The following MUC4 variants were observed in gnomAD, a reference collection of about 807,000 sequenced individuals.
MUC4 encodes mucin-4.
MUC4 carries 202 observed loss-of-function variants against 257.9 expected under a neutral mutation model. The observed-to-expected ratio is 0.78, with a 90% CI of 0.70 to 0.88. The LOEUF (loss-of-function observed/expected upper bound fraction) is 0.88. MUC4 is among the 40% of genes least tolerant of loss of function. The probability of loss-of-function intolerance (pLI) is 0.00; values close to 1 mark genes in which losing one functional copy is unlikely to be tolerated. For missense variants in MUC4, 5,976 were observed against 6,513.7 expected, an observed-to-expected ratio of 0.92 and a Z score of 2.84; for synonymous variants, 2,351 against 2,757.1, an observed-to-expected ratio of 0.85 and a Z score of 4.62.
chr3:195,762,849 A>C lies in MUC4; in HGVS notation c.14344+6T>G. ...GGGAGGGGGCGGCCGGCGCTCCCCAACCTACCTCCGCCGTCTTCATGGTCA... is the reference window on the plus strand; with the variant it reads ...GGGAGGGGGCGGCCGGCGCTCCCCACCCTACCTCCGCCGTCTTCATGGTCA... On this transcript the variant is annotated splice_donor_region_variant and intron_variant, in intron 13 of 24. Transcript: ENST00000463781. 6.4e-7 allele frequency: 1 copy of C among 1,551,092 alleles called. No individual in the cohort carries two copies. The highest frequency in any genetic ancestry group is 8.7e-7 in the Non-Finnish European group (1 of 1,149,554).
intron 1 of MUC4, among the ~76,000 whole-genome samples, chr3:195,808,019 C>T (rs1360442699): frequency 6.6e-6 from 1 of 152,134 alleles, no homozygotes; most frequent in East Asian, 1.9e-4. Context: ...CCATGGCCCT[C>T]GGGGTCCGTT....
At chr3:195,800,483 G>T (rs879411382) in intron 1 of MUC4, among the ~76,000 whole-genome samples, 1 of 152,090 alleles carries the variant, frequency 6.6e-6, no homozygotes, top group Non-Finnish European at 1.5e-5. Flanking sequence ...CAATCTGTTG[G>T]GCTTGTGAGG....
At chr3:195,753,401 AC>A in intron 19 of MUC4, 171 bp from the exon 20 acceptor site, 1 of 624,550 alleles carries the variant, frequency 1.6e-6, no homozygotes, top group Non-Finnish European at 2.7e-6. Context: ...CTGCAGGGCA[AC>A]CCCTTTCCCC....
rs1416933668 is a variant in MUC4 at position 195,788,981 on chromosome 3, T to A, written c.2599A>T (p.Ile867Phe). ...IPVSTGMASS[I>F]VPGTFHPTLS... The stretch of plus-strand genomic sequence containing the variant: ...GTGGGATGAAAGGTGCCGGGGACGA[T>A]CGAAGACGCCATTCCTGTGCTTACT... The change falls in exon 2 of 25, where the codon ATC (isoleucine) becomes TTC (phenylalanine). Residue 867 changes from isoleucine (I) to phenylalanine (F), a missense_variant. Ile to Phe is a conservative substitution (Grantham distance 21). This residue lies in a region of MUC4 where 1,583 missense variants were observed against 1,257.4 expected (regional missense o/e 1.26). Transcript: ENST00000463781. 4 of 1,613,780 alleles carry A rather than the reference T, an allele frequency of 2.5e-6. No individual in the cohort carries two copies. The highest frequency in any genetic ancestry group is 3.4e-6 in the Non-Finnish European group (4 of 1,179,814).
In MUC4 at chr3:195,748,993, G is replaced by T. The variant is rs145224058; in HGVS notation, c.15943C>A (p.Gln5315Lys). 6.2e-7 allele frequency: 1 copy of T among 1,609,756 alleles called. No individual in the cohort carries two copies. The highest frequency in any genetic ancestry group is 1.3e-5 in the African/African-American group (1 of 74,818). ...YKGYDLVYSPQSGFTCVSPCS... is the reference protein window; with the variant it reads ...YKGYDLVYSPKSGFTCVSPCS... ...GGGGACACGCAGGTGAAGCCGCTCT[G>T]GGGGCTGTAGACCAGGTCGTAGCCC... Residue 5315 changes from glutamine (Q) to lysine (K), a missense_variant, in exon 24 of 25, where the codon CAG (glutamine) becomes AAG (lysine). By Grantham distance (53) the Gln-to-Lys change is moderately conservative. This residue lies in a region of MUC4 where 310 missense variants were observed against 242.1 expected (regional missense o/e 1.28). Transcript: ENST00000463781.
chr3:195,811,287 C>T (rs1394514107), intron 1 of MUC4, among the ~76,000 whole-genome samples: 2 of 152,038 alleles, frequency 1.3e-5, no homozygotes, highest in African/African-American at 4.8e-5. Flanking sequence ...GATTCTCCTG[C>T]CTCAGACTCC....
rs764598126 is a variant in MUC4, at chr3:195,780,381, G to A, written c.11199C>T (p.Ser3733=). Reference sequence around the variant, plus strand: ...CGTGACCTGTGGATGCTGAGGAAGGGCTGGTGACATGAAGAGGGGTGACGT... The same window carrying A: ...CGTGACCTGTGGATGCTGAGGAAGGACTGGTGACATGAAGAGGGGTGACGT... ...TGHVTPLHVT[S]PSSASTGHVT... is the part of the protein sequence containing the mutation. Residue 3733 remains serine (S), a synonymous_variant, in exon 2 of 25, where the codon AGC becomes AGT. Coordinates refer to ENST00000463781, the MANE Select transcript of MUC4 (RefSeq NM_018406.7). 18 of 1,419,872 alleles carry A rather than the reference G, an allele frequency of 1.3e-5. 1 individual carries two copies. The African/African-American group carries it at 3.3e-4, about 26-fold the overall frequency. 88.0% of individuals were successfully genotyped at this position (1,419,872 alleles called of 1,614,324 possible). A position where few individuals can be genotyped will look rare whatever the true frequency, so the allele number is the denominator to read the frequency against.
chr3:195,782,914 A>G lies in MUC4; in HGVS notation c.8666T>C (p.Val2889Ala), dbSNP rs762483341. 5.9e-5 allele frequency: 84 copies of G among 1,432,934 alleles called. 5 individuals are homozygous for G. Among genetic ancestry groups the G allele is most frequent in the Admixed American group, 4.3e-4 (19 of 44,036 alleles). 88.8% of individuals were successfully genotyped at this position (1,432,934 alleles called of 1,614,324 possible). A position where few individuals can be genotyped will look rare whatever the true frequency, so the allele number is the denominator to read the frequency against. Residue 2889 changes from valine to alanine, a missense_variant, in exon 2 of 25, where the codon GTG (valine) becomes GCG (alanine). Physicochemically the swap from Val to Ala is moderately conservative, Grantham distance 64. This residue lies in a region of MUC4 where 228 missense variants were observed against 206.3 expected (regional missense o/e 1.11). Coordinates refer to ENST00000463781, the MANE Select transcript of MUC4 (RefSeq NM_018406.7). ...TPLPVTDASSVSTGHATPLPL... is the reference protein window; with the variant it reads ...TPLPVTDASSASTGHATPLPL... ...AAGAGGGGTAGCGTGACCTGTGGAC[A>G]CTGAGGAAGCGTCGGTGACAGGAAG...
In MUC4 at chr3:195,781,824, G is replaced by C; in HGVS notation, c.9756C>G (p.Thr3252=). ...CACCTGTGGATGCTGAGGAAGTGTC[G>C]GTGACAGGAAGAGAGGTGGCATGAC... ...STGHATSLPV[T]DTSSASTGDT... The change falls in exon 2 of 25, where the codon ACC becomes ACG. Residue 3252 remains threonine (T), a synonymous_variant. Transcript: ENST00000463781. The C allele has an allele frequency of 5.0e-6, 5 of 1,002,178 alleles. No individual in the cohort carries two copies. Among genetic ancestry groups the C allele is most frequent in the Non-Finnish European group, 6.4e-6 (5 of 779,338 alleles). The allele number at this position is 1,002,178 out of a possible 1,614,324, so 62.1% of individuals were successfully genotyped here. A position where few individuals can be genotyped will look rare whatever the true frequency, so the allele number is the denominator to read the frequency against.
Position 195,790,950 on chromosome 3 carries a change from T to C in MUC4, c.630A>G (p.Gln210=). 1 of 1,613,766 alleles carries C rather than the reference T, an allele frequency of 6.2e-7. No individual in the cohort carries two copies. The highest frequency in any genetic ancestry group is 8.5e-7 in the Non-Finnish European group (1 of 1,179,816). ...TGGTTCTGTGTGTTAGGGTGCTGGT[T>C]TGAGATTCCCTGGTGGTCTGCGTGC... ...TRSTQTTRES[Q]TSTLTHRTTS... Residue 210 remains glutamine, a synonymous_variant, in exon 2 of 25, where the codon CAA becomes CAG. Coordinates refer to ENST00000463781, the MANE Select transcript of MUC4 (RefSeq NM_018406.7).
intron 1 of MUC4, among the ~76,000 whole-genome samples, chr3:195,793,937 A>T (rs1734202969): frequency 2.0e-5 from 3 of 151,922 alleles, no homozygotes; most frequent in South Asian, 4.2e-4. Flanking sequence ...CCACTTTTTA[A>T]AAAAAAATTA....
rs575589813 is a variant in MUC4 at position 195,779,678 on chromosome 3, A to G, written c.11902T>C (p.Ser3968Pro). The change falls in exon 2 of 25, where the codon TCT becomes CCT. Residue 3968 changes from serine to proline, a missense_variant. Coordinates refer to ENST00000463781, the MANE Select transcript of MUC4 (RefSeq NM_018406.7). ...TSSVSTGHAT[S>P]LPVTSRSSAS... is the part of the protein sequence containing the mutation. The stretch of plus-strand genomic sequence containing the variant: ...GAGGAACGGCTGGTGACAGGAAGAG[A>G]GGTGGCGTGACCTGTGGATACTGAG... The G allele has an allele frequency of 0.059, 24,692 of 421,336 alleles. 1,637 individuals are homozygous for G. The highest frequency in any genetic ancestry group is 0.21 in the East Asian group (847 of 4,016). 26.1% of individuals were successfully genotyped at this position (421,336 alleles called of 1,614,324 possible). A position where few individuals can be genotyped will look rare whatever the true frequency, so the allele number is the denominator to read the frequency against.
chr3:195,793,202 AT>A (rs1190455613), intron 1 of MUC4, among the ~76,000 whole-genome samples: 1 of 152,204 alleles, frequency 6.6e-6, no homozygotes, highest in Non-Finnish European at 1.5e-5. Context: ...GGATAAAAAA[AT>A]AATAAGAGAT....
chr3:195,774,263 T>G lies in MUC4; in HGVS notation c.12986A>C (p.Glu4329Ala). Residue 4329 changes from glutamate to alanine, a missense_variant, in exon 4 of 25, where the codon GAG becomes GCG. By Grantham distance (107) the Glu-to-Ala change is moderately radical (BLOSUM62 -1). Coordinates refer to ENST00000463781, the MANE Select transcript of MUC4 (RefSeq NM_018406.7). ...FPYGAGAGDL[E>A]FVRRTVDFTS... The stretch of plus-strand genomic sequence containing the variant: ...GAAGTCCACGGTCCTCCTGACGAAC[T>G]CCAGGTCCCCGGCGCCTGCCCCATA... 6.3e-7 allele frequency: 1 copy of G among 1,597,242 alleles called. No individual in the cohort carries two copies. The highest frequency in any genetic ancestry group is 8.5e-7 in the Non-Finnish European group (1 of 1,172,994).
chr3:195,774,913 A>AAT (rs1320525412), intron 3 of MUC4, among the ~76,000 whole-genome samples: 3 of 151,648 alleles, frequency 2.0e-5, no homozygotes, highest in Admixed American at 6.6e-5. Flanking sequence ...AAAAAAAAAA[A>AAT]AAAAATAGAC....
chr3:195,770,667 C>T (rs945303457), intron 5 of MUC4: 1 of 502,448 alleles, frequency 2.0e-6, no homozygotes, highest in South Asian at 2.1e-5. Context: ...GCCACTCGGG[C>T]CCACTTTTAC....
At chr3:195,754,880 T>G (rs1361217180) in intron 18 of MUC4, among the ~76,000 whole-genome samples, 1 of 21,624 alleles carries the variant, frequency 4.6e-5, no homozygotes, top group Non-Finnish European at 2.0e-4. Context: ...AATGTATGTA[T>G]CCATGTATGT....
At position 195,778,924 on chromosome 3, in the gene MUC4, G is replaced by C. The variant is rs1725752927; in HGVS notation, c.12656C>G (p.Thr4219Arg). ...LPVTDTSSAS[T>R]GHATPLPVTS... ...GACAGGAAGAGGGGTGGCGTGACCT[G>C]TGGATGCTGAGGAAGTGTCGGTGAC... The change falls in exon 2 of 25, where the codon ACA (threonine) becomes AGA (arginine). Residue 4219 changes from threonine to arginine, a missense_variant. Coordinates refer to ENST00000463781, the MANE Select transcript of MUC4 (RefSeq NM_018406.7). 2.6e-6 allele frequency: 4 copies of C among 1,519,638 alleles called. No individual in the cohort carries two copies. 94.1% of individuals were successfully genotyped at this position (1,519,638 alleles called of 1,614,324 possible).
intron 1 of MUC4, among the ~76,000 whole-genome samples, chr3:195,800,544 T>C (rs1374060454): frequency 6.6e-6 from 1 of 152,194 alleles, no homozygotes. Context: ...TGCATTTGTC[T>C]TTCACCATCA....
Sources: allele counts gnomAD v4.1 joint callset (sites outside exome capture counted in the v4.1 genomes callset), GRCh38; gene constraint gnomAD v4.1.1; regional missense constraint gnomAD v4.1.1; transcripts MANE v1.5; gene names NCBI Gene and HGNC (gene_info 2026-07-23, HGNC 2026-07-21).